The following JAK3 variants were observed in gnomAD, a reference collection of about 807,000 sequenced individuals.
The protein encoded by JAK3 is tyrosine-protein kinase JAK3.
JAK3 carries 88 observed loss-of-function variants against 120.8 expected under a neutral mutation model. The ratio of observed to expected loss-of-function variants is 0.73; its 90% CI spans 0.61 to 0.87. The LOEUF (loss-of-function observed/expected upper bound fraction) is 0.87, where lower values mean the gene tolerates loss of function less well. Among genes scored for constraint, JAK3 ranks in the 40% least tolerant of loss-of-function variants. The pLI is 0.00. For synonymous variants in JAK3, 592 were observed against 628.6 expected, an observed-to-expected ratio of 0.94 and a Z score of 0.87; for missense variants, 1,254 against 1,501.4, an observed-to-expected ratio of 0.84 and a Z score of 2.72.
chr19:17,836,443 C>T (rs553954767), intron 13 of JAK3, among the ~76,000 whole-genome samples: 11 of 152,232 alleles, frequency 7.2e-5, no homozygotes, highest in South Asian at 4.1e-4. Flanking sequence ...CCACCACACC[C>T]GGCTGATTTT....
rs865940427 is a variant in JAK3, at chr19:17,843,001, C to T, written c.566+26G>A. On this transcript the variant is annotated intron_variant, in intron 5 of 23. Transcript: ENST00000458235. This position sits in a 1 kb window ranked among gnomAD's most constrained non-coding sequence, Gnocchi z 5.4. ...ACGTTGCTCACTCCCAAGCAGAGGC[C>T]GTCCCCACAGCCTGGTGGCTCTCAC... The T allele has an allele frequency of 3.1e-6, 5 of 1,608,342 alleles. No homozygotes were observed. Among genetic ancestry groups the T allele is most frequent in the Middle Eastern group, 1.7e-4 (1 of 5,902 alleles).
At position 17,843,195 on chromosome 19, in the gene JAK3, A is replaced by G; in HGVS notation, c.421-23T>C. On this transcript the variant is annotated intron_variant, in intron 4 of 23. Coordinates refer to ENST00000458235, the MANE Select transcript of JAK3 (RefSeq NM_000215.4). The surrounding 1 kb of genome is among the most constrained non-coding windows in gnomAD (Gnocchi z 5.4). ...GTGCTGGGGGGCCGCCACAGGGAGC[A>G]TCAGCTGAGGCCACCCAACTTCAAG... The G allele has an allele frequency of 6.3e-7, 1 of 1,596,832 alleles. No homozygotes were observed. Among genetic ancestry groups the G allele is most frequent in the Non-Finnish European group, 8.5e-7 (1 of 1,174,330 alleles).
Position 17,842,997 on chromosome 19 carries a change from A to G in JAK3, c.566+30T>C. 6.2e-7 allele frequency: 1 copy of G among 1,607,978 alleles called. No individual in the cohort carries two copies. The stretch of plus-strand genomic sequence containing the variant: ...GCCCACGTTGCTCACTCCCAAGCAG[A>G]GGCCGTCCCCACAGCCTGGTGGCTC... On this transcript the variant is annotated intron_variant, in intron 5 of 23. Coordinates refer to ENST00000458235, the MANE Select transcript of JAK3 (RefSeq NM_000215.4). This position sits in a 1 kb window ranked among gnomAD's most constrained non-coding sequence, Gnocchi z 6.4.
chr19:17,838,847 C>A (rs1336123182), intron 10 of JAK3, among the ~76,000 whole-genome samples: 1 of 151,614 alleles, frequency 6.6e-6, no homozygotes, highest in East Asian at 1.9e-4. Context: ...TCCCAAGTAG[C>A]TGGGACTACA....
At position 17,843,181 on chromosome 19, in the gene JAK3, C is replaced by A. The variant is rs2094244314; in HGVS notation, c.421-9G>T. 5.0e-6 allele frequency: 8 copies of A among 1,601,182 alleles called. No individual in the cohort carries two copies. Among genetic ancestry groups the A allele is most frequent in the Non-Finnish European group, 5.9e-6 (7 of 1,176,958 alleles). On this transcript the variant is annotated splice_polypyrimidine_tract_variant and intron_variant, in intron 4 of 23. Coordinates refer to ENST00000458235, the MANE Select transcript of JAK3 (RefSeq NM_000215.4). The surrounding 1 kb of genome is among the most constrained non-coding windows in gnomAD (Gnocchi z 5.4). Reference sequence around the variant, plus strand: ...ACCAGGTCACTGCGGTGCTGGGGGGCCGCCACAGGGAGCATCAGCTGAGGC... The same window carrying A: ...ACCAGGTCACTGCGGTGCTGGGGGGACGCCACAGGGAGCATCAGCTGAGGC...
At chr19:17,837,256 C>T (rs757102916) in intron 12 of JAK3, 43 bp from the exon 13 acceptor site, 8 of 1,484,718 alleles carry the variant, frequency 5.4e-6, no homozygotes, top group South Asian at 1.2e-5. Context: ...GGGTTTCTTC[C>T]ACTCCAATAA....
chr19:17,835,976 G>C lies in JAK3; in HGVS notation c.1862C>G (p.Ala621Gly). Reference protein sequence around the residue: ...YLRKRGHLVPASWKLQVVKQL... With the variant: ...YLRKRGHLVPGSWKLQVVKQL... ...TTTGACCACCTGCAGCTTCCAGCTG[G>C]CTGGCACCAGGTGGCCACGTTTTCG... Residue 621 changes from alanine to glycine, a missense_variant, in exon 14 of 24, where the codon GCC becomes GGC. This residue lies in a region of JAK3 where 630 missense variants were observed against 819.8 expected (regional missense o/e 0.77). Transcript: ENST00000458235. 1.2e-6 allele frequency: 2 copies of C among 1,614,106 alleles called. No homozygotes were observed. The highest frequency in any genetic ancestry group is 1.1e-5 in the South Asian group (1 of 91,086).
At chr19:17,839,742 T>TC (rs1275388755) in intron 9 of JAK3, 79 bp from the exon 10 acceptor site, 70 of 970,606 alleles carry the variant, frequency 7.2e-5, no homozygotes, top group African/African-American at 5.5e-4. Context: ...TTTTTTCTTT[T>TC]TTTTTTTTTT....
intron 14 of JAK3, 92 bp downstream of exon 14, chr19:17,835,832 A>G: frequency 2.6e-6 from 4 of 1,539,538 alleles, no homozygotes; most frequent in Non-Finnish European, 3.5e-6. Flanking sequence ...CCAAACTCCT[A>G]TGCATACTAC....
At chr19:17,834,511 C>T in intron 17 of JAK3, 60 bp downstream of exon 17, 1 of 1,605,794 alleles carries the variant, frequency 6.2e-7, no homozygotes, top group Non-Finnish European at 8.5e-7. Context: ...AACCACGCTC[C>T]TTCCACTGGG....
At chr19:17,829,204 G>A (rs1339438613) in intron 23 of JAK3, among the ~76,000 whole-genome samples, 2 of 152,022 alleles carry the variant, frequency 1.3e-5, no homozygotes, top group African/African-American at 2.4e-5. Flanking sequence ...TTGCTCTGTC[G>A]CCCAGGCTGG....
Position 17,843,183 on chromosome 19 carries a change from G to T in JAK3, c.421-11C>A. ...CAGGTCACTGCGGTGCTGGGGGGCC[G>T]CCACAGGGAGCATCAGCTGAGGCCA... On this transcript the variant is annotated splice_polypyrimidine_tract_variant and intron_variant, in intron 4 of 23. Coordinates refer to ENST00000458235, the MANE Select transcript of JAK3 (RefSeq NM_000215.4). The surrounding 1 kb of genome is among the most constrained non-coding windows in gnomAD (Gnocchi z 5.4). 1 of 1,599,426 alleles carries T rather than the reference G, an allele frequency of 6.3e-7. No individual in the cohort carries two copies. Among genetic ancestry groups the T allele is most frequent in the Non-Finnish European group, 8.5e-7 (1 of 1,176,092 alleles).
In JAK3 at chr19:17,843,321, T is replaced by C. The variant is rs3212726; in HGVS notation, c.420+59A>G. 4.7e-3 allele frequency: 7,046 copies of C among 1,514,258 alleles called. 313 individuals carry two copies. The African/African-American group carries it at 0.087, about 19-fold the overall frequency. The allele number at this position is 1,514,258 out of a possible 1,614,324, so 93.8% of individuals were successfully genotyped here. On this transcript the variant is annotated intron_variant, in intron 4 of 23. Coordinates refer to ENST00000458235, the MANE Select transcript of JAK3 (RefSeq NM_000215.4). The surrounding 1 kb of genome is among the most constrained non-coding windows in gnomAD (Gnocchi z 5.4). ...GAGGCCCCACCTGATTGCATGCCAG[T>C]CCTCATGTTGCCCCTTGGACCCCCA...
intron 9 of JAK3, 72 bp downstream of exon 9, chr19:17,840,158 T>A (rs2094234594): frequency 3.0e-6 from 3 of 1,012,338 alleles, no homozygotes; most frequent in Admixed American, 1.9e-5. Context: ...TGCTGACTGA[T>A]CTTTTAAATC....
chr19:17,830,384 A>G (rs889383083), intron 22 of JAK3, 119 bp downstream of exon 22: 2 of 957,462 alleles, frequency 2.1e-6, no homozygotes, highest in Admixed American at 2.0e-5. Context: ...ACTGGGGCCT[A>G]TGATGCTGGG....
At chr19:17,845,313 G>A (rs939353111) in intron 1 of JAK3, among the ~76,000 whole-genome samples, 1 of 152,070 alleles carries the variant, frequency 6.6e-6, no homozygotes, top group Non-Finnish European at 1.5e-5. Context: ...GATTACAGGT[G>A]GGCACCACCA....
chr19:17,827,987 C>T (rs1437085378), intron 23 of JAK3, among the ~76,000 whole-genome samples: 1 of 151,920 alleles, frequency 6.6e-6, no homozygotes. Flanking sequence ...TCATTTGTTC[C>T]GGGCAGTCAC....
rs2094237586 is a variant in JAK3, at chr19:17,841,184, C to T, written c.1142+205G>A. 2.0e-5 allele frequency among the ~76,000 whole-genome samples: 3 copies of T among 152,090 alleles called. No individual in the cohort carries two copies. The highest frequency in any genetic ancestry group is 4.4e-5 in the Non-Finnish European group (3 of 68,026). Reference sequence around the variant, plus strand: ...GACTTGTCCATCTCCAGGAAATGGCCCTGGGGTCAGAGAGAGAGAGAGTAG... The same window carrying T: ...GACTTGTCCATCTCCAGGAAATGGCTCTGGGGTCAGAGAGAGAGAGAGTAG... On this transcript the variant is annotated intron_variant, in intron 8 of 23. Coordinates refer to ENST00000458235, the MANE Select transcript of JAK3 (RefSeq NM_000215.4). This position sits in a 1 kb window ranked among gnomAD's most constrained non-coding sequence, Gnocchi z 4.1.
At position 17,841,447 on chromosome 19, in the gene JAK3, C is replaced by T. The variant is rs1208932448; in HGVS notation, c.1084G>A (p.Glu362Lys). The T allele has an allele frequency of 6.4e-7, 1 of 1,555,586 alleles. No individual in the cohort carries two copies. The highest frequency in any genetic ancestry group is 8.7e-7 in the Non-Finnish European group (1 of 1,149,416). ...TTDSQHFFCK[E>K]VAPPRLLEEV... is the part of the protein sequence containing the mutation. ...TCCAGCAGCCTCGGCGGTGCCACCTCCTTGCAGAAGAAGTGCTGGGAGTCC... is the reference window on the plus strand; with the variant it reads ...TCCAGCAGCCTCGGCGGTGCCACCTTCTTGCAGAAGAAGTGCTGGGAGTCC... Residue 362 changes from glutamate to lysine, a missense_variant, in exon 8 of 24, where the codon GAG becomes AAG. Physicochemically the swap from Glu to Lys is moderately conservative, Grantham distance 56 (BLOSUM62 1). This residue lies in a region of JAK3 where 486 missense variants were observed against 503.0 expected (regional missense o/e 0.97). Transcript: ENST00000458235. This position sits in a 1 kb window ranked among gnomAD's most constrained non-coding sequence, Gnocchi z 4.1.
Sources: allele counts gnomAD v4.1 joint callset (sites outside exome capture counted in the v4.1 genomes callset), GRCh38; gene constraint gnomAD v4.1.1; regional missense constraint gnomAD v4.1.1; non-coding constraint Gnocchi (gnomAD v3.1); transcripts MANE v1.5; gene names NCBI Gene and HGNC (gene_info 2026-07-23, HGNC 2026-07-21).